Variants in IL1R1 observed in about 807,000 individuals in gnomAD.
IL1R1 encodes interleukin 1 receptor type 1.
Under a neutral mutation model 50.2 loss-of-function variants are expected in IL1R1, and 22 were observed. The observed-to-expected ratio is 0.44, with a 90% CI of 0.31 to 0.63. IL1R1 has a LOEUF of 0.63. Among genes scored for constraint, IL1R1 ranks in the 20% least tolerant of loss-of-function variants. The pLI, the probability that IL1R1 is intolerant of heterozygous loss-of-function variation, is 0.07. For missense variants in IL1R1, 509 were observed against 676.2 expected (o/e 0.75, Z 2.74); for synonymous variants, 251 against 236.7 (o/e 1.06, Z -0.55).
intron 6 of IL1R1, among the ~76,000 whole-genome samples, chr2:102,167,050 G>A (rs893622674): frequency 1.3e-5 from 2 of 152,142 alleles, no homozygotes; most frequent in Non-Finnish European, 2.9e-5. Context: ...TAAGATTTAT[G>A]TAATAAAATA....
At chr2:102,095,062 C>G (rs527828712) in intron 1 of IL1R1, among the ~76,000 whole-genome samples, 1 of 152,226 alleles carries the variant, frequency 6.6e-6, no homozygotes, top group South Asian at 2.1e-4. Flanking sequence ...TTAACAGATA[C>G]GCCACTTCAC....
At chr2:102,118,777 G>T (rs1365691919) in intron 1 of IL1R1, among the ~76,000 whole-genome samples, 1 of 152,068 alleles carries the variant, frequency 6.6e-6, no homozygotes, top group Non-Finnish European at 1.5e-5. Flanking sequence ...CAGCACTTTG[G>T]GAGGCCAAGG....
intron 1 of IL1R1, among the ~76,000 whole-genome samples, chr2:102,137,054 A>G (rs536680359): frequency 6.6e-6 from 1 of 152,210 alleles, no homozygotes; most frequent in Non-Finnish European, 1.5e-5. Flanking sequence ...CTATTTGACC[A>G]TCTCATAGCT....
intron 11 of IL1R1, chr2:102,176,037 G>T: frequency 2.2e-6 from 1 of 449,556 alleles, no homozygotes; most frequent in Non-Finnish European, 3.9e-6. Flanking sequence ...CTATAAAATG[G>T]GAGGTTTGCA....
intron 1 of IL1R1, among the ~76,000 whole-genome samples, chr2:102,093,352 G>C (rs1679762826): frequency 6.6e-6 from 1 of 152,120 alleles, no homozygotes; most frequent in Admixed American, 6.6e-5. Context: ...ATTTCTTTGG[G>C]GTATTTTGAA....
intron 1 of IL1R1, among the ~76,000 whole-genome samples, chr2:102,089,870 G>T (rs1480507897): frequency 7.1e-6 from 1 of 140,094 alleles, no homozygotes. Flanking sequence ...GTCTCACTCT[G>T]TTGCTCAGGC....
chr2:102,170,505 G>T (rs140593470), intron 7 of IL1R1, among the ~76,000 whole-genome samples: 1 of 151,958 alleles, frequency 6.6e-6, no homozygotes, highest in East Asian at 1.9e-4. Context: ...GAAAATTCCC[G>T]GGAAAAACTA....
intron 3 of IL1R1, among the ~76,000 whole-genome samples, chr2:102,158,673 G>GA (rs1684424786): frequency 6.6e-6 from 1 of 152,208 alleles, no homozygotes; most frequent in Non-Finnish European, 1.5e-5. Flanking sequence ...GTAATGGGGG[G>GA]ATGGCAGAGG....
At chr2:102,130,271 T>C (rs528405323) in intron 1 of IL1R1, among the ~76,000 whole-genome samples, 1 of 152,358 alleles carries the variant, frequency 6.6e-6, no homozygotes, top group Non-Finnish European at 1.5e-5. Context: ...TGAGAACTGA[T>C]AATATAACGT....
intron 1 of IL1R1, among the ~76,000 whole-genome samples, chr2:102,107,252 T>C (rs1175405952): frequency 1.3e-5 from 2 of 152,104 alleles, no homozygotes; most frequent in Admixed American, 6.5e-5. Flanking sequence ...CAAATGTCCA[T>C]CAGTGATAGA....
upstream of IL1R1, among the ~76,000 whole-genome samples, chr2:102,100,615 T>C (rs1371008762): frequency 6.6e-6 from 1 of 152,244 alleles, no homozygotes; most frequent in Non-Finnish European, 1.5e-5. Context: ...TGCATGAGCT[T>C]CACCAGACCT....
chr2:102,102,984 C>T (rs1390632252), upstream of IL1R1, among the ~76,000 whole-genome samples: 2 of 151,772 alleles, frequency 1.3e-5, no homozygotes, highest in Non-Finnish European at 2.9e-5. Context: ...AAACAGACAC[C>T]AGGACCTACT....
chr2:102,086,582 A>G (rs772041390), intron 1 of IL1R1, among the ~76,000 whole-genome samples: 1 of 151,950 alleles, frequency 6.6e-6, no homozygotes, highest in African/African-American at 2.4e-5. Context: ...TGGCAGAGCC[A>G]GGGGCTCTGT....
intron 1 of IL1R1, among the ~76,000 whole-genome samples, chr2:102,076,000 C>T (rs1015004348): frequency 3.9e-5 from 6 of 152,108 alleles, no homozygotes; most frequent in East Asian, 1.9e-4. Context: ...AACTTTATAA[C>T]GCTTTCATTT....
intron 11 of IL1R1, 97 bp downstream of exon 11, chr2:102,175,742 T>C (rs980556042): frequency 9.0e-7 from 1 of 1,113,148 alleles, no homozygotes; most frequent in African/African-American, 1.5e-5. Flanking sequence ...CATAGGGGTA[T>C]ATGTTTCACA....
At position 102,165,217 on chromosome 2, in the gene IL1R1, CGTT is replaced by C; in HGVS notation, c.401_403del (p.Val134del). 6.2e-7 allele frequency: 1 copy of C among 1,607,674 alleles called. No individual in the cohort carries two copies. The highest frequency in any genetic ancestry group is 8.5e-7 in the Non-Finnish European group (1 of 1,177,690). On this transcript the variant is annotated inframe_deletion, in exon 5 of 12. Transcript: ENST00000410023. ...AAGCCATATTTAAGCAGAAACTACCCGTTGCAGGAGACGGAGGACTTGTGTGCC... is the reference window on the plus strand; with the variant it reads ...AAGCCATATTTAAGCAGAAACTACCCGCAGGAGACGGAGGACTTGTGTGCC...
intron 6 of IL1R1, among the ~76,000 whole-genome samples, chr2:102,168,163 C>T (rs1685364358): frequency 6.6e-6 from 1 of 152,248 alleles, no homozygotes; most frequent in South Asian, 2.1e-4. Context: ...TATTCCATAA[C>T]CCTGTAGTTC....
intron 1 of IL1R1, among the ~76,000 whole-genome samples, chr2:102,127,824 A>G (rs1242272801): frequency 1.3e-5 from 2 of 152,210 alleles, no homozygotes. Context: ...TTATCAGGAC[A>G]GGAAATGATT....
At chr2:102,117,293 C>G (rs928605686) in intron 1 of IL1R1, among the ~76,000 whole-genome samples, 4 of 152,098 alleles carry the variant, frequency 2.6e-5, no homozygotes, top group African/African-American at 9.7e-5. Flanking sequence ...GCTTGCACTT[C>G]CCCCAAGGTG....
Sources: gnomAD v4.1 joint callset for allele counts (sites outside exome capture counted in the v4.1 genomes callset) on GRCh38, gnomAD v4.1.1 for gene constraint, MANE v1.5 for transcripts, NCBI Gene and HGNC (gene_info 2026-07-23, HGNC 2026-07-21) for gene names.